The following GLIPR1L1 variants were observed in gnomAD, a reference collection of about 807,000 sequenced individuals.
The protein encoded by GLIPR1L1 is GLIPR1 like 1.
A neutral mutation model predicts 29.9 loss-of-function variants in GLIPR1L1; 26 were observed. The ratio of observed to expected loss-of-function variants is 0.87; its 90% CI spans 0.64 to 1.21. GLIPR1L1 has a LOEUF of 1.21. GLIPR1L1 is among the 50% of genes most tolerant of loss of function. The pLI, the probability that GLIPR1L1 is intolerant of heterozygous loss-of-function variation, is 0.00. For synonymous variants in GLIPR1L1, 77 were observed against 97.5 expected, an observed-to-expected ratio of 0.79 and a Z score of 1.24; for missense variants, 305 against 290.3, an observed-to-expected ratio of 1.05 and a Z score of -0.37.
At chr12:75,341,170 G>A (rs2042079112) in intron 1 of GLIPR1L1, among the ~76,000 whole-genome samples, 1 of 152,160 alleles carries the variant, frequency 6.6e-6, no homozygotes. Flanking sequence ...AATATTTATG[G>A]ATACTCCCGA....
intron 3 of GLIPR1L1, among the ~76,000 whole-genome samples, chr12:75,355,190 G>A (rs763342813): frequency 1.3e-5 from 2 of 152,224 alleles, no homozygotes; most frequent in South Asian, 4.1e-4. Context: ...GAGTAAACAA[G>A]CAACCTACAG....
chr12:75,355,550 C>A (rs2043100959), intron 3 of GLIPR1L1, among the ~76,000 whole-genome samples: 1 of 152,134 alleles, frequency 6.6e-6, no homozygotes, highest in Non-Finnish European at 1.5e-5. Context: ...ATAGTCAAAC[C>A]ATTGTAGAAG....
At chr12:75,340,572 A>T (rs1197117900) in intron 1 of GLIPR1L1, among the ~76,000 whole-genome samples, 2 of 152,072 alleles carry the variant, frequency 1.3e-5, no homozygotes, top group African/African-American at 4.8e-5. Context: ...ATTTTTAAAA[A>T]GTCAACAAAT....
chr12:75,344,944 A>C (rs1255199749), intron 2 of GLIPR1L1, among the ~76,000 whole-genome samples: 1 of 152,140 alleles, frequency 6.6e-6, no homozygotes, highest in African/African-American at 2.4e-5. Context: ...GAAAGTGAGA[A>C]TAGGTCCAAT....
Position 75,334,863 on chromosome 12 carries a change from T to TTGG in GLIPR1L1, c.135_136insTGG (p.Arg45_Gly46insTrp). 1 of 1,614,116 alleles carries TTGG rather than the reference T, an allele frequency of 6.2e-7. No individual in the cohort carries two copies. The highest frequency in any genetic ancestry group is 8.5e-7 in the Non-Finnish European group (1 of 1,180,028). On this transcript the variant is annotated inframe_insertion, in exon 1 of 6. Coordinates refer to ENST00000378695, the MANE Select transcript of GLIPR1L1 (RefSeq NM_001304964.2). ...GCATAGAAGCCCACAACGAATGGCG[T>TTGG]GGCAAAGTCAACCCTCCCGCGGCCG...
chr12:75,346,683 T>C (rs2042472400), intron 2 of GLIPR1L1, among the ~76,000 whole-genome samples: 1 of 152,204 alleles, frequency 6.6e-6, no homozygotes, highest in South Asian at 2.1e-4. Context: ...TCACTTTGAT[T>C]TTTCTTGCAC....
At chr12:75,365,057 A>G (rs545607299) in intron 4 of GLIPR1L1, 5 of 152,260 alleles carry the variant, frequency 3.3e-5, no homozygotes, top group Admixed American at 3.3e-4. Flanking sequence ...TGAACTAATT[A>G]TATCCCTCAA....
chr12:75,335,864 G>A (rs2041699405), intron 1 of GLIPR1L1, among the ~76,000 whole-genome samples: 1 of 151,916 alleles, frequency 6.6e-6, no homozygotes, highest in South Asian at 2.1e-4. Context: ...ACGGAATTCA[G>A]AAATACTAAT....
rs2042262942 is a variant in GLIPR1L1, at chr12:75,343,703, A to G, written c.185A>G (p.Lys62Arg). 5 of 1,604,542 alleles carry G rather than the reference A, an allele frequency of 3.1e-6. No individual in the cohort carries two copies. The highest frequency in any genetic ancestry group is 3.4e-6 in the Non-Finnish European group (4 of 1,174,838). The change falls in exon 2 of 6, where the codon AAA becomes AGA. Residue 62 changes from lysine to arginine, a missense_variant. Coordinates refer to ENST00000378695, the MANE Select transcript of GLIPR1L1 (RefSeq NM_001304964.2). The stretch of plus-strand genomic sequence containing the variant: ...ATTTTTATCTTTCAGATTTGGGATA[A>G]AGGTTTAGCAAAGATGGCTAAAGCA... ...AADMKYMIWDKGLAKMAKAWA... is the reference protein window; with the variant it reads ...AADMKYMIWDRGLAKMAKAWA...
rs531307650 is a variant in GLIPR1L1 at position 75,369,552 on chromosome 12, G to C, written c.611-408G>C. ...GAAAGTTTGATGTGGAAAAGACATCGAGAAATATTTGGAGTAAGGACCATT... is the reference window on the plus strand; with the variant it reads ...GAAAGTTTGATGTGGAAAAGACATCCAGAAATATTTGGAGTAAGGACCATT... On this transcript the variant is annotated intron_variant, in intron 4 of 5. Coordinates refer to ENST00000378695, the MANE Select transcript of GLIPR1L1 (RefSeq NM_001304964.2). 92 of 983,072 alleles carry C rather than the reference G, an allele frequency of 9.4e-5. No homozygotes were observed. The South Asian group carries it at 1.4e-3, about 15-fold the overall frequency. 60.9% of individuals were successfully genotyped at this position (983,072 alleles called of 1,614,324 possible).
At chr12:75,360,518 T>C (rs1017058257) in intron 3 of GLIPR1L1, 1 of 152,162 alleles carries the variant, frequency 6.6e-6, no homozygotes. Flanking sequence ...AGTGGGGCAG[T>C]CATTAAATCT....
intron 2 of GLIPR1L1, among the ~76,000 whole-genome samples, chr12:75,346,610 C>T (rs746676907): frequency 4.3e-4 from 66 of 152,096 alleles, no homozygotes; most frequent in Admixed American, 2.6e-4. Flanking sequence ...AGGCTGACCT[C>T]GAACTCCTGA....
chr12:75,339,679 G>A (rs1430138106), intron 1 of GLIPR1L1, among the ~76,000 whole-genome samples: 1 of 152,060 alleles, frequency 6.6e-6, no homozygotes, highest in East Asian at 1.9e-4. Context: ...TGTCCTGAAT[G>A]GTATTGCCTA....
intron 1 of GLIPR1L1, among the ~76,000 whole-genome samples, chr12:75,337,015 A>C (rs190447855): frequency 1.3e-5 from 2 of 151,976 alleles, no homozygotes; most frequent in African/African-American, 4.8e-5. Flanking sequence ...TCCATAAGTT[A>C]AAGAATAAAT....
chr12:75,363,558 A>G (rs58040831), intron 4 of GLIPR1L1, among the ~76,000 whole-genome samples: 8,687 of 152,278 alleles, frequency 0.057, 315 homozygotes, highest in African/African-American at 0.1. Context: ...GTCAATGTCC[A>G]AAGTAATTAT....
At chr12:75,346,006 A>C (rs754974484) in intron 2 of GLIPR1L1, among the ~76,000 whole-genome samples, 6 of 152,154 alleles carry the variant, frequency 3.9e-5, no homozygotes, top group Non-Finnish European at 7.4e-5. Context: ...AATAAGGGAA[A>C]ATTTTCTTGC....
At chr12:75,363,222 TAG>T in intron 4 of GLIPR1L1, 32 bp downstream of exon 4, 1 of 1,005,866 alleles carries the variant, frequency 9.9e-7, no homozygotes. Context: ...TAATTACATT[TAG>T]AGAGTAAAGT....
intron 3 of GLIPR1L1, among the ~76,000 whole-genome samples, chr12:75,358,998 CAG>C (rs2043360779): frequency 6.7e-6 from 1 of 148,700 alleles, no homozygotes; most frequent in Non-Finnish European, 1.5e-5. Flanking sequence ...TATAGAAAAA[CAG>C]ACCATAGGAC....
intron 4 of GLIPR1L1, among the ~76,000 whole-genome samples, chr12:75,367,719 T>C (rs1240301013): frequency 1.3e-5 from 2 of 152,188 alleles, no homozygotes; most frequent in Non-Finnish European, 2.9e-5. Context: ...TTGGATTTTA[T>C]ATGATGACAA....
Sources: allele counts gnomAD v4.1 joint callset (sites outside exome capture counted in the v4.1 genomes callset), GRCh38; gene constraint gnomAD v4.1.1; transcripts MANE v1.5; gene names NCBI Gene and HGNC (gene_info 2026-07-23, HGNC 2026-07-21).